BLK: variants seen among roughly 807,000 people sequenced by gnomAD.
BLK encodes tyrosine-protein kinase Blk.
BLK carries 64 observed loss-of-function variants against 61.8 expected under a neutral mutation model. That is an observed-to-expected ratio of 1.03 (90% CI 0.85 to 1.27). BLK has a LOEUF of 1.27. Ranked by LOEUF, BLK falls within the 50% of genes most tolerant of loss-of-function variation. BLK has a pLI of 0.00. For missense variants in BLK, 853 were observed against 660.5 expected, an observed-to-expected ratio of 1.29 and a Z score of -3.19; for synonymous variants, 351 against 272.0, an observed-to-expected ratio of 1.29 and a Z score of -2.86.
intron 3 of BLK, among the ~76,000 whole-genome samples, chr8:11,546,582 TG>T (rs779166217): frequency 1.5e-4 from 23 of 151,864 alleles, no homozygotes; most frequent in South Asian, 4.2e-4. Flanking sequence ...AGACTCCACT[TG>T]GTTTTTTTTG....
At chr8:11,560,856 A>G (rs1219594806) in intron 10 of BLK, 6 of 460,416 alleles carry the variant, frequency 1.3e-5, no homozygotes, top group Non-Finnish European at 2.6e-5. Flanking sequence ...AGCTTGCTAG[A>G]GGTCAGCGAC....
intron 1 of BLK, among the ~76,000 whole-genome samples, chr8:11,504,983 G>GAC (rs1361731616): frequency 6.6e-6 from 1 of 152,034 alleles, no homozygotes; most frequent in Non-Finnish European, 1.5e-5. Context: ...CATGCACACA[G>GAC]ACACATAGAT....
chr8:11,511,361 T>C (rs1454252880), intron 1 of BLK, among the ~76,000 whole-genome samples: 1 of 152,024 alleles, frequency 6.6e-6, no homozygotes, highest in Non-Finnish European at 1.5e-5. Flanking sequence ...AGTTAATGGG[T>C]GCAGCACACC....
At chr8:11,501,668 G>A (rs936837031) in intron 1 of BLK, among the ~76,000 whole-genome samples, 2 of 152,352 alleles carry the variant, frequency 1.3e-5, no homozygotes, top group East Asian at 1.9e-4. Flanking sequence ...CCGCAGAGGT[G>A]ATTGAGTCTC....
At chr8:11,561,076 C>T in intron 10 of BLK, 2 of 695,884 alleles carry the variant, frequency 2.9e-6, no homozygotes, top group South Asian at 1.5e-5. Flanking sequence ...GGGGGAGGGG[C>T]ACAGGTAGCC....
At chr8:11,540,809 C>T (rs570440182) in intron 1 of BLK, among the ~76,000 whole-genome samples, 1 of 151,526 alleles carries the variant, frequency 6.6e-6, no homozygotes, top group East Asian at 1.9e-4. Context: ...TCTATTTAGC[C>T]TGTGAGGAAC....
rs538034893 is a variant in BLK at position 11,533,287 on chromosome 8, A to T, written c.-1-9937A>T. On this transcript the variant is annotated intron_variant, in intron 1 of 12. Transcript: ENST00000259089. ...ATTTTCCAATCTCATGTTTGAAAGCATAAAAGAGAACCTTTCAGTCTAAAT... is the reference window on the plus strand; with the variant it reads ...ATTTTCCAATCTCATGTTTGAAAGCTTAAAAGAGAACCTTTCAGTCTAAAT... 2.0e-5 allele frequency among the ~76,000 whole-genome samples: 3 copies of T among 152,312 alleles called. No homozygotes were observed. The South Asian group carries it at 6.2e-4, about 32-fold the overall frequency.
intron 1 of BLK, among the ~76,000 whole-genome samples, chr8:11,514,224 C>G (rs1292951298): frequency 2.0e-5 from 3 of 152,184 alleles, no homozygotes; most frequent in African/African-American, 4.8e-5. Context: ...CTAACGGTTG[C>G]TCCAATTCAG....
At chr8:11,542,260 G>C (rs1585385610) in intron 1 of BLK, among the ~76,000 whole-genome samples, 2 of 152,194 alleles carry the variant, frequency 1.3e-5, no homozygotes, top group South Asian at 4.2e-4. Flanking sequence ...ACACCTCCCA[G>C]TTCAGAGATA....
chr8:11,537,856 G>C (rs192957416), intron 1 of BLK, among the ~76,000 whole-genome samples: 4 of 152,134 alleles, frequency 2.6e-5, no homozygotes, highest in African/African-American at 7.2e-5. Flanking sequence ...CCCCTTGTTT[G>C]ACTGAAGCTG....
chr8:11,532,398 A>T (rs1799926419), intron 1 of BLK, among the ~76,000 whole-genome samples: 1 of 146,682 alleles, frequency 6.8e-6, no homozygotes, highest in East Asian at 2.0e-4. Context: ...TTTAGCAGAG[A>T]CAGGGTTTCA....
chr8:11,534,229 T>C (rs1800017907), intron 1 of BLK, among the ~76,000 whole-genome samples: 1 of 152,220 alleles, frequency 6.6e-6, no homozygotes, highest in South Asian at 2.1e-4. Flanking sequence ...TCTCATTTAA[T>C]TTTTCAAAAT....
At chr8:11,540,767 G>T (rs1193347575) in intron 1 of BLK, among the ~76,000 whole-genome samples, 6 of 151,758 alleles carry the variant, frequency 4.0e-5, no homozygotes, top group Non-Finnish European at 8.8e-5. Context: ...TATTTGAAAG[G>T]GCCCCAGACA....
At chr8:11,550,792 T>C (rs545518757) in intron 6 of BLK, among the ~76,000 whole-genome samples, 1 of 152,380 alleles carries the variant, frequency 6.6e-6, no homozygotes, top group East Asian at 1.9e-4. Context: ...GCCATCACCC[T>C]CAGGGGTTTT....
chr8:11,502,771 G>T (rs537753546), intron 1 of BLK, among the ~76,000 whole-genome samples: 6 of 152,294 alleles, frequency 3.9e-5, no homozygotes, highest in African/African-American at 1.4e-4. Flanking sequence ...GCCAAGTGGG[G>T]ACAAGTGGAG....
At position 11,503,268 on chromosome 8, in the gene BLK, C is replaced by A. The variant is rs1309390760; in HGVS notation, c.-2+8677C>A. Among the ~76,000 whole-genome samples, 3 of 152,242 alleles carry A rather than the reference C, an allele frequency of 2.0e-5. 1 individual carries two copies. Among genetic ancestry groups the A allele is most frequent in the Admixed American group, 2.0e-4 (3 of 15,290 alleles). On this transcript the variant is annotated intron_variant, in intron 1 of 12. Transcript: ENST00000259089. ...GATTAAGCTGGTTCTGACCTTCTAG[C>A]CCCTGGGCTTCTGATGAGTCTCCTG...
At chr8:11,502,938 G>A (rs1456054330) in intron 1 of BLK, among the ~76,000 whole-genome samples, 2 of 152,226 alleles carry the variant, frequency 1.3e-5, no homozygotes, top group African/African-American at 4.8e-5. Context: ...TACACCAGCT[G>A]CTGCCAGCCA....
rs1798401852 is a variant in BLK at position 11,497,466 on chromosome 8, C to G, written c.-2+2875C>G. Among the ~76,000 whole-genome samples, 3 of 152,206 alleles carry G rather than the reference C, an allele frequency of 2.0e-5. No individual in the cohort carries two copies. The South Asian group carries it at 6.2e-4, about 32-fold the overall frequency. Reference sequence around the variant, plus strand: ...CAGTGCCCAAGCCCATTTGTGTGTCCCCAGCAACCACCAGCACACACCCAG... The same window carrying G: ...CAGTGCCCAAGCCCATTTGTGTGTCGCCAGCAACCACCAGCACACACCCAG... On this transcript the variant is annotated intron_variant, in intron 1 of 12. Coordinates refer to ENST00000259089, the MANE Select transcript of BLK (RefSeq NM_001715.3).
rs1585417268 is a variant in BLK at position 11,558,094 on chromosome 8, A to G, written c.1029+56A>G. 5 of 1,545,416 alleles carry G rather than the reference A, an allele frequency of 3.2e-6. No homozygotes were observed. In the East Asian group the frequency reaches 9.0e-5, roughly 28 times the overall value. On this transcript the variant is annotated intron_variant, in intron 10 of 12. Transcript: ENST00000259089. Reference sequence around the variant, plus strand: ...CGGCATGTGCCACCTGCTGCCCACAATGGCTGCTCGTGCCTTACCACCCCA... The same window carrying G: ...CGGCATGTGCCACCTGCTGCCCACAGTGGCTGCTCGTGCCTTACCACCCCA...
Sources: allele counts gnomAD v4.1 joint callset (sites outside exome capture counted in the v4.1 genomes callset), GRCh38; gene constraint gnomAD v4.1.1; transcripts MANE v1.5; gene names NCBI Gene and HGNC (gene_info 2026-07-23, HGNC 2026-07-21).